PLPPR1: variants seen among roughly 807,000 people sequenced by gnomAD.
PLPPR1 encodes phospholipid phosphatase-related protein type 1.
Under a neutral mutation model 33.1 loss-of-function variants are expected in PLPPR1, and 10 were observed. The ratio of observed to expected loss-of-function variants is 0.30; its 90% CI spans 0.19 to 0.51. The LOEUF (loss-of-function observed/expected upper bound fraction) is 0.51, where lower values mean the gene tolerates loss of function less well. Among genes scored for constraint, PLPPR1 ranks in the 20% least tolerant of loss-of-function variants. The probability of loss-of-function intolerance (pLI) is 0.97; values close to 1 mark genes in which losing one functional copy is unlikely to be tolerated. For synonymous variants in PLPPR1, 151 were observed against 151.0 expected (o/e 1.00, Z 0.00); for missense variants, 304 against 408.1 (o/e 0.74, Z 2.20).
chr9:101,140,642 C>A (rs1202886582), intron 1 of PLPPR1, among the ~76,000 whole-genome samples: 1 of 152,106 alleles, frequency 6.6e-6, no homozygotes, highest in African/African-American at 2.4e-5. Context: ...ACATAATAAC[C>A]TAACAGAAGC....
intron 1 of PLPPR1, among the ~76,000 whole-genome samples, chr9:101,181,606 GTA>G (rs1432170471): frequency 8.8e-6 from 1 of 113,574 alleles, no homozygotes; most frequent in African/African-American, 3.6e-5. Flanking sequence ...TTGGGTATAT[GTA>G]TGTGTGTGTG....
At chr9:101,151,020 T>C (rs1260246721) in intron 1 of PLPPR1, among the ~76,000 whole-genome samples, 1 of 152,174 alleles carries the variant, frequency 6.6e-6, no homozygotes, top group Non-Finnish European at 1.5e-5. Context: ...TCTATTTAAA[T>C]GAATTTTTTC....
chr9:101,220,377 A>T (rs1212419521), intron 2 of PLPPR1, among the ~76,000 whole-genome samples: 1 of 152,208 alleles, frequency 6.6e-6, no homozygotes, highest in Non-Finnish European at 1.5e-5. Context: ...TTTCTTTCAG[A>T]TGAGGAAATT....
intron 1 of PLPPR1, among the ~76,000 whole-genome samples, chr9:101,101,355 C>G (rs779194963): frequency 1.8e-4 from 27 of 151,828 alleles, no homozygotes; most frequent in Non-Finnish European, 3.4e-4. Flanking sequence ...TATGCTAATA[C>G]TAAAGGAAAT....
At chr9:101,227,710 A>G (rs1333096507) in intron 2 of PLPPR1, among the ~76,000 whole-genome samples, 1 of 152,200 alleles carries the variant, frequency 6.6e-6, no homozygotes, top group Non-Finnish European at 1.5e-5. Context: ...TTCATTTGAC[A>G]TAATGAAAAC....
intron 3 of PLPPR1, among the ~76,000 whole-genome samples, chr9:101,277,398 G>C (rs1052812467): frequency 1.3e-5 from 2 of 152,180 alleles, no homozygotes; most frequent in African/African-American, 2.4e-5. Flanking sequence ...GGGGTAGGCT[G>C]TGTCTACTTT....
intron 2 of PLPPR1, among the ~76,000 whole-genome samples, chr9:101,218,978 C>T (rs993660081): frequency 6.6e-6 from 1 of 152,216 alleles, no homozygotes; most frequent in Non-Finnish European, 1.5e-5. Context: ...TACACATGCA[C>T]ACTCACACAC....
intron 2 of PLPPR1, among the ~76,000 whole-genome samples, chr9:101,264,031 G>A (rs980366404): frequency 5.3e-5 from 8 of 152,018 alleles, no homozygotes; most frequent in Non-Finnish European, 7.4e-5. Context: ...GTCTCATGGG[G>A]GCTGTCAATT....
intron 2 of PLPPR1, among the ~76,000 whole-genome samples, chr9:101,240,729 T>A (rs560481635): frequency 1.3e-5 from 2 of 152,110 alleles, no homozygotes; most frequent in Admixed American, 1.3e-4. Context: ...TCCAATAAAG[T>A]TGGGAAATTA....
intron 1 of PLPPR1, among the ~76,000 whole-genome samples, chr9:101,052,542 C>T (rs914209216): frequency 1.3e-5 from 2 of 152,114 alleles, no homozygotes; most frequent in Admixed American, 6.6e-5. Flanking sequence ...TACAAGATAG[C>T]GGAGAAGACA....
chr9:101,167,942 G>A (rs1825884379), intron 1 of PLPPR1, among the ~76,000 whole-genome samples: 1 of 152,168 alleles, frequency 6.6e-6, no homozygotes, highest in Non-Finnish European at 1.5e-5. Flanking sequence ...AGGCAAAGGA[G>A]GAGCAAAGTC....
At chr9:101,095,099 C>G (rs552929867) in intron 1 of PLPPR1, among the ~76,000 whole-genome samples, 1 of 152,174 alleles carries the variant, frequency 6.6e-6, no homozygotes, top group African/African-American at 2.4e-5. Flanking sequence ...TTTCTCAGAT[C>G]TTCAAATTGT....
chr9:101,303,394 C>A (rs953848312), intron 4 of PLPPR1, among the ~76,000 whole-genome samples: 1 of 152,040 alleles, frequency 6.6e-6, no homozygotes, highest in Non-Finnish European at 1.5e-5. Context: ...CTCTGCCTCC[C>A]AGGTTCAAGT....
At chr9:101,254,666 G>A (rs1827768159) in intron 2 of PLPPR1, among the ~76,000 whole-genome samples, 1 of 152,120 alleles carries the variant, frequency 6.6e-6, no homozygotes, top group South Asian at 2.1e-4. Context: ...AGGACTGAAT[G>A]AATGTGTGTA....
chr9:101,176,539 TA>T (rs1826022094), intron 1 of PLPPR1, among the ~76,000 whole-genome samples: 1 of 152,278 alleles, frequency 6.6e-6, no homozygotes, highest in East Asian at 1.9e-4. Flanking sequence ...GGAGGCCACC[TA>T]GGGGCAGTAA....
At chr9:101,137,152 T>C (rs1831387187) in intron 1 of PLPPR1, among the ~76,000 whole-genome samples, 1 of 152,178 alleles carries the variant, frequency 6.6e-6, no homozygotes, top group South Asian at 2.1e-4. Context: ...ATGAAAAAGA[T>C]GTGCTCTTCA....
chr9:101,157,320 CTAAG>C (rs1308007925), intron 1 of PLPPR1, among the ~76,000 whole-genome samples: 1 of 152,102 alleles, frequency 6.6e-6, no homozygotes, highest in African/African-American at 2.4e-5. Flanking sequence ...CAAGGTTTCA[CTAAG>C]TAAGATGCAG....
At chr9:101,049,615 G>T (rs1588006969) in intron 1 of PLPPR1, among the ~76,000 whole-genome samples, 1 of 152,196 alleles carries the variant, frequency 6.6e-6, no homozygotes, top group East Asian at 1.9e-4. Context: ...CTTGTCCAAG[G>T]TCTCACAAAT....
chr9:101,240,723 A>G (rs1263085231), intron 2 of PLPPR1, among the ~76,000 whole-genome samples: 1 of 152,028 alleles, frequency 6.6e-6, no homozygotes, highest in South Asian at 2.1e-4. Context: ...AGGATTTCCA[A>G]TAAAGTTGGG....
Sources: gnomAD v4.1 joint callset for allele counts (sites outside exome capture counted in the v4.1 genomes callset) on GRCh38, gnomAD v4.1.1 for gene constraint, MANE v1.5 for transcripts, NCBI Gene and HGNC (gene_info 2026-07-23, HGNC 2026-07-21) for gene names.